Variants in SAMD4B observed in about 807,000 individuals in gnomAD.
SAMD4B encodes sterile alpha motif domain containing 4B.
In SAMD4B, 5 loss-of-function variants were observed where a neutral mutation model predicts 74.5. The observed-to-expected ratio is 0.07, with a 90% CI of 0.04 to 0.14. The LOEUF is 0.14. Ranked by LOEUF, SAMD4B falls within the 10% of genes least tolerant of loss-of-function variation. SAMD4B has a pLI of 1.00. For synonymous variants in SAMD4B, 373 were observed against 374.9 expected, an observed-to-expected ratio of 1.00 and a Z score of 0.06; for missense variants, 608 against 921.8, an observed-to-expected ratio of 0.66 and a Z score of 4.41.
downstream of SAMD4B, chr19:39,389,353 C>T (rs1365887222): frequency 6.2e-7 from 1 of 1,614,160 alleles, no homozygotes; most frequent in Non-Finnish European, 8.5e-7. The surrounding 1 kb of genome is among the most constrained non-coding windows in gnomAD (Gnocchi z 5.3). Flanking sequence ...TCTTTCGCAT[C>T]CATGGCACCA....
intron 3 of SAMD4B, among the ~76,000 whole-genome samples, chr19:39,364,272 T>C (rs1422391065): frequency 2.0e-5 from 3 of 152,188 alleles, no homozygotes; most frequent in African/African-American, 7.2e-5. Context: ...CTTCTCTCTG[T>C]CCCAGATGCC....
chr19:39,372,914 A>G (rs1040393923), intron 4 of SAMD4B, among the ~76,000 whole-genome samples: 2 of 152,150 alleles, frequency 1.3e-5, no homozygotes, highest in Non-Finnish European at 2.9e-5. Flanking sequence ...CTAGAGGCTG[A>G]AGAACTCCTG....
chr19:39,364,567 T>A (rs191061050), intron 3 of SAMD4B, among the ~76,000 whole-genome samples: 2,477 of 152,336 alleles, frequency 0.016, 59 homozygotes, highest in African/African-American at 0.056. Flanking sequence ...TTATTTTTTT[T>A]TATTTTCATT....
chr19:39,388,940 G>A, downstream of SAMD4B: 1 of 1,613,904 alleles, frequency 6.2e-7, no homozygotes, highest in Non-Finnish European at 8.5e-7. Context: ...CCCACCTTGG[G>A]CCTGACCTTA....
rs1318649841 is a variant in SAMD4B, at chr19:39,378,103, G to A, written c.1444+279G>A. The stretch of plus-strand genomic sequence containing the variant: ...AGAAATTCCATGTAGTAAAGGGTGA[G>A]CAGTTGAGGGGAGTCCATTGATTTC... On this transcript the variant is annotated intron_variant, in intron 8 of 13. Coordinates refer to ENST00000610417, the MANE Select transcript of SAMD4B (RefSeq NM_001384574.2). This position sits in a 1 kb window ranked among gnomAD's most constrained non-coding sequence, Gnocchi z 4.4. Among the ~76,000 whole-genome samples the A allele has an allele frequency of 1.3e-5, 2 of 152,216 alleles. No homozygotes were observed. The highest frequency in any genetic ancestry group is 2.9e-5 in the Non-Finnish European group (2 of 68,048).
chr19:39,366,013 CA>C (rs2076940496), intron 3 of SAMD4B, among the ~76,000 whole-genome samples: 1 of 151,942 alleles, frequency 6.6e-6, no homozygotes, highest in African/African-American at 2.4e-5. Flanking sequence ...CTAGCTTGGC[CA>C]ACATAGTGAA....
chr19:39,355,328 C>T (rs1463676273), intron 2 of SAMD4B, among the ~76,000 whole-genome samples: 1 of 152,148 alleles, frequency 6.6e-6, no homozygotes, highest in Non-Finnish European at 1.5e-5. Flanking sequence ...TTCTTACATC[C>T]AAAGGGATTG....
rs530979839 is a variant in SAMD4B at position 39,352,114 on chromosome 19, C to T, written c.-266-1892C>T. The stretch of plus-strand genomic sequence containing the variant: ...GACCGAACACAAAGCATCCTTCTCT[C>T]ATCCAGAAGACATAGGAACCCTACC... On this transcript the variant is annotated intron_variant, in intron 1 of 13. Coordinates refer to ENST00000610417, the MANE Select transcript of SAMD4B (RefSeq NM_001384574.2). The T allele has an allele frequency of 6.6e-5, 10 of 152,320 alleles. No homozygotes were observed. In the South Asian group the frequency reaches 2.1e-3, roughly 32 times the overall value. 9.4% of individuals were successfully genotyped at this position (152,320 alleles called of 1,614,324 possible).
chr19:39,376,396 G>A (rs2077601386), intron 5 of SAMD4B, 41 bp from the exon 6 acceptor site: 3 of 1,535,812 alleles, frequency 2.0e-6, no homozygotes, highest in Non-Finnish European at 8.9e-7. Context: ...TGGTAATCTG[G>A]GCCAAACTCC....
At chr19:39,372,114 T>G (rs541262162) in intron 4 of SAMD4B, among the ~76,000 whole-genome samples, 3 of 152,236 alleles carry the variant, frequency 2.0e-5, no homozygotes, top group Non-Finnish European at 2.9e-5. Context: ...TTGAACAATG[T>G]TGATAGGGGT....
chr19:39,351,262 G>A (rs2076026279), intron 1 of SAMD4B: 1 of 152,418 alleles, frequency 6.6e-6, no homozygotes, highest in African/African-American at 2.4e-5. Flanking sequence ...GGGATTACAG[G>A]CGTGAGCCAC....
rs751040725 is a variant in SAMD4B at position 39,375,673 on chromosome 19, A to T, written c.691A>T (p.Ser231Cys). The T allele has an allele frequency of 5.0e-6, 8 of 1,608,966 alleles. No homozygotes were observed. Among genetic ancestry groups the T allele is most frequent in the East Asian group, 2.2e-5 (1 of 44,658 alleles). The change falls in exon 5 of 14, where the codon AGC (serine) becomes TGC (cysteine). Residue 231 changes from serine to cysteine, a missense_variant. Ser to Cys is a moderately radical substitution (Grantham distance 112). Coordinates refer to ENST00000610417, the MANE Select transcript of SAMD4B (RefSeq NM_001384574.2). The surrounding 1 kb of genome is among the most constrained non-coding windows in gnomAD (Gnocchi z 4.1). ...NTGLPCQIHP[S>C]PLKRSMSLIP... ...AGGTCTCCCCTGCCAAATCCACCCT[A>T]GCCCACTGAAGCGCTCCATGTCACT...
intron 2 of SAMD4B, among the ~76,000 whole-genome samples, chr19:39,356,167 A>G (rs981916745): frequency 1.3e-5 from 2 of 152,060 alleles, no homozygotes; most frequent in Admixed American, 6.6e-5. Flanking sequence ...TCCATCCTCT[A>G]CCCAGCATTG....
At chr19:39,386,452 G>A (rs758816665), downstream of SAMD4B, 5 of 1,613,926 alleles carry the variant, frequency 3.1e-6, no homozygotes, top group African/African-American at 6.7e-5. This position sits in a 1 kb window ranked among gnomAD's most constrained non-coding sequence, Gnocchi z 6.1. Context: ...CCCTCCCAGG[G>A]CTCCCAGAGT....
At chr19:39,343,990 C>CG (rs1431669643) in intron 1 of SAMD4B, among the ~76,000 whole-genome samples, 6 of 85,436 alleles carry the variant, frequency 7.0e-5, no homozygotes, top group Non-Finnish European at 1.5e-4. Context: ...GGACCCCCCC[C>CG]CCCCACACAC....
intron 3 of SAMD4B, among the ~76,000 whole-genome samples, chr19:39,365,936 C>G (rs1055726008): frequency 1.3e-5 from 2 of 152,154 alleles, no homozygotes; most frequent in African/African-American, 4.8e-5. Context: ...CACAGTGGCT[C>G]ATGCCTGTAA....
chr19:39,359,867 G>T (rs930622665), intron 3 of SAMD4B: 1 of 152,150 alleles, frequency 6.6e-6, no homozygotes, highest in Non-Finnish European at 1.5e-5. Context: ...AGAACTGCTA[G>T]TTTAAAGGTG....
intron 1 of SAMD4B, among the ~76,000 whole-genome samples, 155 bp from the exon 2 acceptor site, chr19:39,353,851 C>T (rs2076193939): frequency 6.6e-6 from 1 of 152,204 alleles, no homozygotes; most frequent in Non-Finnish European, 1.5e-5. Context: ...ATCTGCCTGC[C>T]TCAGCCTCCC....
At chr19:39,376,596 G>T in intron 6 of SAMD4B, 50 bp downstream of exon 6, 1 of 1,585,684 alleles carries the variant, frequency 6.3e-7, no homozygotes. Flanking sequence ...CGCTAGTTTG[G>T]CATCCTTGCA....
Sources: gnomAD v4.1 joint callset for allele counts (sites outside exome capture counted in the v4.1 genomes callset) on GRCh38, gnomAD v4.1.1 for gene constraint, Gnocchi (gnomAD v3.1) non-coding constraint, MANE v1.5 for transcripts, NCBI Gene and HGNC (gene_info 2026-07-23, HGNC 2026-07-21) for gene names.